The following NRXN3 variants were observed in gnomAD, a reference collection of about 807,000 sequenced individuals.
The protein encoded by NRXN3 is neurexin 3, also known as neurexin III.
A neutral mutation model predicts 137.6 loss-of-function variants in NRXN3; 32 were observed. The observed-to-expected ratio is 0.23, with a 90% confidence interval of 0.18 to 0.31. NRXN3 has a LOEUF of 0.31. Ranked by LOEUF, NRXN3 falls within the 10% of genes least tolerant of loss-of-function variation. The pLI is 1.00. For synonymous variants in NRXN3, 798 were observed against 784.5 expected (o/e 1.02, Z -0.29); for missense variants, 1,574 against 2,062.5 (o/e 0.76, Z 4.59).
At chr14:79,652,109 A>G (rs570241608) in intron 16 of NRXN3, among the ~76,000 whole-genome samples, 1 of 152,260 alleles carries the variant, frequency 6.6e-6, no homozygotes, top group East Asian at 1.9e-4. Context: ...TACTTTGCCT[A>G]AAAGAAAATA....
chr14:78,858,680 C>T (rs750395390), intron 10 of NRXN3, among the ~76,000 whole-genome samples: 57 of 152,244 alleles, frequency 3.7e-4, no homozygotes, highest in Admixed American at 2.0e-3. Context: ...TAGGATTTGA[C>T]GTACGTTTAA....
intron 16 of NRXN3, among the ~76,000 whole-genome samples, chr14:79,590,337 C>T (rs1226910338): frequency 6.7e-6 from 1 of 149,874 alleles, no homozygotes; most frequent in East Asian, 2.0e-4. Flanking sequence ...TGTGCTGCTC[C>T]ACCTTGCCTT....
chr14:78,570,182 A>G (rs1219510545), intron 4 of NRXN3, among the ~76,000 whole-genome samples: 1 of 152,234 alleles, frequency 6.6e-6, no homozygotes, highest in Non-Finnish European at 1.5e-5. Flanking sequence ...ATTAGATCAT[A>G]AGGGTGAGGT....
intron 2 of NRXN3, chr14:78,250,093 T>C (rs768640116): frequency 1.9e-5 from 10 of 517,030 alleles, no homozygotes; most frequent in African/African-American, 1.5e-4. Flanking sequence ...CTCATTTTTT[T>C]GGATAAGGAA....
At chr14:78,446,716 A>G (rs1469658686) in intron 4 of NRXN3, among the ~76,000 whole-genome samples, 1 of 152,216 alleles carries the variant, frequency 6.6e-6, no homozygotes, top group African/African-American at 2.4e-5. Context: ...TCATTAAATC[A>G]TCTCAGACTT....
intron 15 of NRXN3, among the ~76,000 whole-genome samples, chr14:79,289,687 T>C (rs2082847578): frequency 2.0e-5 from 3 of 152,130 alleles, no homozygotes; most frequent in African/African-American, 7.2e-5. Context: ...AGGTAGGGTT[T>C]CTTGGTGTGT....
chr14:79,400,459 C>T (rs530117111), intron 15 of NRXN3, among the ~76,000 whole-genome samples: 23 of 152,172 alleles, frequency 1.5e-4, no homozygotes, highest in African/African-American at 5.3e-4. Context: ...TGATTTTTTC[C>T]ATTGTATAGA....
At chr14:78,848,820 C>A (rs909833746) in intron 10 of NRXN3, among the ~76,000 whole-genome samples, 1 of 151,980 alleles carries the variant, frequency 6.6e-6, no homozygotes, top group African/African-American at 2.4e-5. Flanking sequence ...CCCTTTGTTG[C>A]TGAATTGAGT....
intron 19 of NRXN3, among the ~76,000 whole-genome samples, chr14:79,718,989 G>A (rs1168789816): frequency 1.3e-5 from 2 of 151,846 alleles, no homozygotes; most frequent in African/African-American, 2.4e-5. Flanking sequence ...CTCTCAACTT[G>A]GTCTCCTTTT....
intron 4 of NRXN3, among the ~76,000 whole-genome samples, chr14:78,446,866 G>T (rs2094433378): frequency 6.6e-6 from 1 of 152,154 alleles, no homozygotes; most frequent in Non-Finnish European, 1.5e-5. Context: ...ATCACTTCTA[G>T]GTGTCTAAGT....
At chr14:79,729,364 A>T (rs917539197) in intron 19 of NRXN3, among the ~76,000 whole-genome samples, 1 of 152,228 alleles carries the variant, frequency 6.6e-6, no homozygotes, top group Non-Finnish European at 1.5e-5. Context: ...AAAGAAAAGC[A>T]TGCCTGCTTA....
At position 79,861,714 on chromosome 14, in the gene NRXN3, T is replaced by G; in HGVS notation, c.4466T>G (p.Ile1489Ser). Residue 1489 changes from isoleucine to serine, a missense_variant, in exon 21 of 21, where the codon ATC becomes AGC. Physicochemically the swap from Ile to Ser is moderately radical, Grantham distance 142. Coordinates refer to ENST00000335750, the MANE Select transcript of NRXN3 (RefSeq NM_001330195.2). The surrounding 1 kb of genome is among the most constrained non-coding windows in gnomAD (Gnocchi z 5.4). Reference sequence around the variant, plus strand: ...CGGGTTCCGGGGGCCTCAGAGGTGATCCGGGAGTCGAGCAGCACAACAGGG... The same window carrying G: ...CGGGTTCCGGGGGCCTCAGAGGTGAGCCGGGAGTCGAGCAGCACAACAGGG... ...IRRVPGASEVIRESSSTTGMV... is the reference protein window; with the variant it reads ...IRRVPGASEVSRESSSTTGMV... 1 of 1,614,048 alleles carries G rather than the reference T, an allele frequency of 6.2e-7. No individual in the cohort carries two copies. The highest frequency in any genetic ancestry group is 1.1e-5 in the South Asian group (1 of 91,074).
At chr14:79,041,186 G>T (rs2099624476) in intron 15 of NRXN3, among the ~76,000 whole-genome samples, 1 of 152,092 alleles carries the variant, frequency 6.6e-6, no homozygotes, top group South Asian at 2.1e-4. Context: ...TCAATACTTG[G>T]CACATTATTG....
intron 15 of NRXN3, among the ~76,000 whole-genome samples, chr14:79,055,844 G>A (rs897059125): frequency 1.3e-5 from 2 of 152,144 alleles, no homozygotes; most frequent in Non-Finnish European, 2.9e-5. Flanking sequence ...CAATTTAGGA[G>A]CTCACAGGCC....
intron 15 of NRXN3, among the ~76,000 whole-genome samples, chr14:79,375,660 A>G (rs1196894847): frequency 6.6e-6 from 1 of 152,110 alleles, no homozygotes; most frequent in Non-Finnish European, 1.5e-5. Context: ...CTGCTTAAAT[A>G]TTAAGATTAG....
chr14:78,332,504 TG>T (rs2080954131), intron 4 of NRXN3, among the ~76,000 whole-genome samples: 1 of 151,964 alleles, frequency 6.6e-6, no homozygotes, highest in South Asian at 2.1e-4. Flanking sequence ...TTAGTAGAGA[TG>T]GGGTTTCACC....
intron 15 of NRXN3, among the ~76,000 whole-genome samples, chr14:79,391,910 T>A (rs1251647089): frequency 6.6e-6 from 1 of 152,238 alleles, no homozygotes; most frequent in Non-Finnish European, 1.5e-5. Flanking sequence ...AGGAGAGTGT[T>A]TAGAAGTCTA....
intron 15 of NRXN3, among the ~76,000 whole-genome samples, chr14:79,003,435 T>G (rs2099545831): frequency 6.6e-6 from 1 of 152,198 alleles, no homozygotes; most frequent in South Asian, 2.1e-4. Context: ...CAATGAAATA[T>G]TTACAGTAGA....
chr14:79,452,541 A>C (rs929168995), intron 15 of NRXN3, among the ~76,000 whole-genome samples: 1 of 152,216 alleles, frequency 6.6e-6, no homozygotes, highest in African/African-American at 2.4e-5. Context: ...GACCAGGTGT[A>C]GAAAGTGCCT....
Sources: allele counts gnomAD v4.1 joint callset (sites outside exome capture counted in the v4.1 genomes callset), GRCh38; gene constraint gnomAD v4.1.1; non-coding constraint Gnocchi (gnomAD v3.1); transcripts MANE v1.5; gene names NCBI Gene and HGNC (gene_info 2026-07-23, HGNC 2026-07-21).